The following MPP2 variants were observed in gnomAD, a reference collection of about 807,000 sequenced individuals.
MPP2 encodes the protein MAGUK p55 scaffold protein 2.
Under a neutral mutation model 58.5 loss-of-function variants are expected in MPP2, and 42 were observed. The ratio of observed to expected loss-of-function variants is 0.72; its 90% CI spans 0.56 to 0.93. The LOEUF (loss-of-function observed/expected upper bound fraction) is 0.93, where lower values mean the gene tolerates loss of function less well. MPP2 is among the 40% of genes least tolerant of loss of function. The pLI, the probability that MPP2 is intolerant of heterozygous loss-of-function variation, is 0.00. For synonymous variants in MPP2, 300 were observed against 307.8 expected (o/e 0.97, Z 0.26); for missense variants, 632 against 760.4 (o/e 0.83, Z 1.99).
Position 43,880,239 on chromosome 17 carries a change from T to C in MPP2, c.1151-255A>G, listed in dbSNP as rs1382671406. Among the ~76,000 whole-genome samples the C allele has an allele frequency of 6.6e-6, 1 of 152,096 alleles. No homozygotes were observed. Among genetic ancestry groups the C allele is most frequent in the Non-Finnish European group, 1.5e-5 (1 of 68,002 alleles). On this transcript the variant is annotated intron_variant, in intron 10 of 12. Coordinates refer to ENST00000269095, the MANE Select transcript of MPP2 (RefSeq NM_005374.5). This position sits in a 1 kb window ranked among gnomAD's most constrained non-coding sequence, Gnocchi z 5.2. ...AGGCTGAGGTCCAGAAAGGGCAATG[T>C]ACAGCCCAAAGCCACACAGCAAGAG...
intron 3 of MPP2, chr17:43,884,190 T>C: frequency 1.4e-6 from 1 of 697,776 alleles, no homozygotes; most frequent in South Asian, 1.5e-5. Context: ...ATTAATACAT[T>C]ATGTAAGACA....
Position 43,881,482 on chromosome 17 carries a change from G to A in MPP2, c.789C>T (p.Asn263=). Residue 263 remains asparagine, a synonymous_variant, in exon 7 of 13, where the codon AAC becomes AAT. Coordinates refer to ENST00000269095, the MANE Select transcript of MPP2 (RefSeq NM_005374.5). ...FNAGDLLQIV[N]QDDANWWQAC... ...CCTGCCACCAGTTGGCATCATCCTG[G>A]TTTACGATCTGGAGCAAGTCCCCGG... 1 of 1,614,164 alleles carries A rather than the reference G, an allele frequency of 6.2e-7. No homozygotes were observed. Among genetic ancestry groups the A allele is most frequent in the Middle Eastern group, 1.6e-4 (1 of 6,062 alleles).
At chr17:43,888,597 C>A (rs923225593) in intron 3 of MPP2, among the ~76,000 whole-genome samples, 1 of 152,230 alleles carries the variant, frequency 6.6e-6, no homozygotes, top group Non-Finnish European at 1.5e-5. Flanking sequence ...CAGGAGCCAG[C>A]TCTGGCACAG....
chr17:43,882,221 T>C (rs938702127), intron 6 of MPP2, 63 bp downstream of exon 6: 3 of 1,476,058 alleles, frequency 2.0e-6, no homozygotes, highest in Non-Finnish European at 2.8e-6. Context: ...CCGTGAGACC[T>C]GCAACCTTGA....
intron 2 of MPP2, 97 bp downstream of exon 2, chr17:43,904,333 G>T: frequency 8.7e-7 from 1 of 1,143,690 alleles, no homozygotes; most frequent in Non-Finnish European, 1.3e-6. Flanking sequence ...GGAGCCAGTT[G>T]GTTCTTATCT....
At chr17:43,891,320 G>A (rs1450319035) in intron 3 of MPP2, among the ~76,000 whole-genome samples, 1 of 152,130 alleles carries the variant, frequency 6.6e-6, no homozygotes, top group African/African-American at 2.4e-5. Context: ...AGGAGTTCAA[G>A]GCCAGCCTGG....
intron 3 of MPP2, among the ~76,000 whole-genome samples, chr17:43,890,820 A>AG (rs34694583): frequency 0.8 from 121,653 of 151,914 alleles, 49,737 homozygotes; most frequent in East Asian, 1. Context: ...CCACATGGAA[A>AG]GGGGTCTGGC....
intron 2 of MPP2, chr17:43,900,449 C>CCA: frequency 2.6e-6 from 4 of 1,546,166 alleles, no homozygotes; most frequent in Non-Finnish European, 3.5e-6. Context: ...GCCCCGCCCC[C>CCA]ATCTGGCCCG....
In MPP2 at chr17:43,880,025, A is replaced by C; in HGVS notation, c.1151-41T>G. On this transcript the variant is annotated intron_variant, in intron 10 of 12. Coordinates refer to ENST00000269095, the MANE Select transcript of MPP2 (RefSeq NM_005374.5). This position sits in a 1 kb window ranked among gnomAD's most constrained non-coding sequence, Gnocchi z 5.2. The stretch of plus-strand genomic sequence containing the variant: ...TAGGTTGGACCAAATGGGCAGGGGC[A>C]GGTTACAGTGCCTCAGACACATATA... 1 of 1,598,328 alleles carries C rather than the reference A, an allele frequency of 6.3e-7. No individual in the cohort carries two copies. The highest frequency in any genetic ancestry group is 8.6e-7 in the Non-Finnish European group (1 of 1,166,468).
chr17:43,905,283 T>C (rs967593772), intron 1 of MPP2: 1 of 152,152 alleles, frequency 6.6e-6, no homozygotes, highest in Non-Finnish European at 1.5e-5. Flanking sequence ...CAGAACCACA[T>C]TGATTTTATT....
At position 43,877,711 on chromosome 17, in the gene MPP2, G is replaced by A; in HGVS notation, c.*96C>T. ...TTACCCAAGGACAGCCAGATATGGG[G>A]GCTAAGGATTGTGGCAGGGGGTCAC... On this transcript the variant is annotated 3_prime_UTR_variant, in exon 13 of 13. Transcript: ENST00000269095. 1 of 1,095,840 alleles carries A rather than the reference G, an allele frequency of 9.1e-7. No individual in the cohort carries two copies. Among genetic ancestry groups the A allele is most frequent in the South Asian group, 1.4e-5 (1 of 71,602 alleles). 67.9% of individuals were successfully genotyped at this position (1,095,840 alleles called of 1,614,324 possible).
At chr17:43,888,191 T>G (rs935317195) in intron 3 of MPP2, among the ~76,000 whole-genome samples, 1 of 152,234 alleles carries the variant, frequency 6.6e-6, no homozygotes, top group South Asian at 2.1e-4. Flanking sequence ...AGATGCTTTC[T>G]GCCTTCTCTT....
Position 43,879,203 on chromosome 17 carries a change from T to C in MPP2, c.1482+72A>G. Reference sequence around the variant, plus strand: ...CTCCCCAACACCACCTCCTTCTCTCTGTCAGCTCAGGCCTGTCCCCCACCA... The same window carrying C: ...CTCCCCAACACCACCTCCTTCTCTCCGTCAGCTCAGGCCTGTCCCCCACCA... On this transcript the variant is annotated intron_variant, in intron 12 of 12. Coordinates refer to ENST00000269095, the MANE Select transcript of MPP2 (RefSeq NM_005374.5). This position sits in a 1 kb window ranked among gnomAD's most constrained non-coding sequence, Gnocchi z 4.1. 2 of 1,532,450 alleles carry C rather than the reference T, an allele frequency of 1.3e-6. No individual in the cohort carries two copies. Among genetic ancestry groups the C allele is most frequent in the Non-Finnish European group, 1.8e-6 (2 of 1,130,936 alleles). 94.9% of individuals were successfully genotyped at this position (1,532,450 alleles called of 1,614,324 possible).
chr17:43,880,049 T>A lies in MPP2; in HGVS notation c.1151-65A>T. 1 of 1,488,468 alleles carries A rather than the reference T, an allele frequency of 6.7e-7. No homozygotes were observed. Among genetic ancestry groups the A allele is most frequent in the Non-Finnish European group, 9.3e-7 (1 of 1,073,212 alleles). The allele number at this position is 1,488,468 out of a possible 1,614,324, so 92.2% of individuals were successfully genotyped here. On this transcript the variant is annotated intron_variant, in intron 10 of 12. Transcript: ENST00000269095. The surrounding 1 kb of genome is among the most constrained non-coding windows in gnomAD (Gnocchi z 5.2). ...CAGGTTACAGTGCCTCAGACACATA[T>A]ATGCACCCCTACCCAGGCCCCCGTT...
At chr17:43,903,678 A>G (rs920810278) in intron 2 of MPP2, among the ~76,000 whole-genome samples, 1 of 152,182 alleles carries the variant, frequency 6.6e-6, no homozygotes, top group Non-Finnish European at 1.5e-5. Flanking sequence ...AAGAGCCAGA[A>G]CTTGTCTCAA....
intron 2 of MPP2, among the ~76,000 whole-genome samples, chr17:43,903,145 A>G (rs540131428): frequency 6.6e-6 from 1 of 152,086 alleles, no homozygotes; most frequent in East Asian, 1.9e-4. Context: ...GCATGATAGC[A>G]GGTGCCTGTA....
chr17:43,903,650 G>A (rs943349676), intron 2 of MPP2, among the ~76,000 whole-genome samples: 1 of 152,246 alleles, frequency 6.6e-6, no homozygotes. Context: ...TTGCGCCACT[G>A]CACTCCAGCC....
At chr17:43,898,199 C>A (rs763985284) in intron 3 of MPP2, 63 bp downstream of exon 3, 2 of 1,250,882 alleles carry the variant, frequency 1.6e-6, no homozygotes, top group East Asian at 4.6e-5. Flanking sequence ...AGCTAATACC[C>A]CATCCCCTAC....
chr17:43,885,462 G>A (rs1256173710), intron 3 of MPP2, among the ~76,000 whole-genome samples: 2 of 152,114 alleles, frequency 1.3e-5, no homozygotes, highest in South Asian at 2.1e-4. Context: ...TAGAAACCAA[G>A]ATGTGGACAC....
Sources: gnomAD v4.1 joint callset for allele counts (sites outside exome capture counted in the v4.1 genomes callset) on GRCh38, gnomAD v4.1.1 for gene constraint, Gnocchi (gnomAD v3.1) non-coding constraint, MANE v1.5 for transcripts, NCBI Gene and HGNC (gene_info 2026-07-23, HGNC 2026-07-21) for gene names.